TXNDC8: variants seen among roughly 807,000 people sequenced by gnomAD.
TXNDC8 encodes thioredoxin domain-containing protein 8.
A neutral mutation model predicts 12.9 loss-of-function variants in TXNDC8; 15 were observed. That is an observed-to-expected ratio of 1.16 (90% confidence interval 0.78 to 1.79). The LOEUF (loss-of-function observed/expected upper bound fraction) is 1.79, where lower values mean the gene tolerates loss of function less well. Among genes scored for constraint, TXNDC8 ranks in the 40% most tolerant of loss-of-function variants. The pLI is 0.00. For synonymous variants in TXNDC8, 40 were observed against 35.4 expected, an observed-to-expected ratio of 1.13 and a Z score of -0.46; for missense variants, 128 against 113.2, an observed-to-expected ratio of 1.13 and a Z score of -0.59.
intron 3 of TXNDC8, chr9:110,322,567 T>C (rs893155315): frequency 1.6e-5 from 16 of 985,328 alleles, no homozygotes; most frequent in East Asian, 1.1e-4. Flanking sequence ...CTCAAAAGCA[T>C]AGCTTGAATT....
At chr9:110,324,065 T>C in intron 3 of TXNDC8, 1 of 1,507,324 alleles carries the variant, frequency 6.6e-7, no homozygotes, top group Non-Finnish European at 8.9e-7. Context: ...ATCAGAGTAC[T>C]ATTAATAGAG....
intron 3 of TXNDC8, among the ~76,000 whole-genome samples, chr9:110,311,338 G>C (rs1473505700): frequency 6.6e-6 from 1 of 150,488 alleles, no homozygotes; most frequent in African/African-American, 2.4e-5. Context: ...TCATTATTTG[G>C]GTATTTTTCA....
At chr9:110,322,213 A>T (rs149625304) in intron 3 of TXNDC8, among the ~76,000 whole-genome samples, 186 of 151,780 alleles carry the variant, frequency 1.2e-3, no homozygotes, top group African/African-American at 4.3e-3. Context: ...CATAACCAGG[A>T]TGCTAAGTTA....
intron 3 of TXNDC8, among the ~76,000 whole-genome samples, chr9:110,312,715 G>A (rs1247576989): frequency 6.6e-6 from 1 of 152,198 alleles, no homozygotes. Context: ...CTCAGTCCAA[G>A]TATAATAAAG....
intron 3 of TXNDC8, among the ~76,000 whole-genome samples, chr9:110,305,579 TTTCTTTCTTTCTTTCTTTCTTTC>T (rs1300334808): frequency 1.4e-5 from 2 of 141,520 alleles, no homozygotes; most frequent in Middle Eastern, 3.5e-3. Context: ...TCTTTCTTTC[TTTCTTTCTTTCTTTCTTTCTTTC>T]TTTCTTTCTT....
chr9:110,313,462 AGGCTGACGT>A (rs1838765051), intron 3 of TXNDC8, among the ~76,000 whole-genome samples: 1 of 152,084 alleles, frequency 6.6e-6, no homozygotes, highest in African/African-American at 2.4e-5. Flanking sequence ...GCACTTTGGG[AGGCTGACGT>A]GGGCAGATCA....
intron 1 of TXNDC8, 39 bp from the exon 2 acceptor site, chr9:110,334,359 C>T (rs768663162): frequency 1.3e-6 from 2 of 1,519,718 alleles, no homozygotes; most frequent in South Asian, 1.1e-5. Context: ...TGCATAATCA[C>T]TGAATCTCAT....
chr9:110,322,495 C>A (rs985632709), intron 3 of TXNDC8: 13 of 985,398 alleles, frequency 1.3e-5, no homozygotes, highest in Non-Finnish European at 1.6e-5. Context: ...CCTCTCTCCC[C>A]AGCTTATTGA....
chr9:110,334,814 G>T (rs994387472), intron 1 of TXNDC8, among the ~76,000 whole-genome samples: 7 of 152,120 alleles, frequency 4.6e-5, no homozygotes, highest in African/African-American at 1.4e-4. Context: ...TATTAAACAA[G>T]GGCCTAAACA....
At chr9:110,311,557 ATC>A (rs1484721927) in intron 3 of TXNDC8, among the ~76,000 whole-genome samples, 3 of 125,934 alleles carry the variant, frequency 2.4e-5, no homozygotes, top group Non-Finnish European at 3.3e-5. Context: ...ATATATATAT[ATC>A]TCCATACTAT....
intron 3 of TXNDC8, among the ~76,000 whole-genome samples, chr9:110,305,546 T>TTTTC (rs201277248): frequency 0.088 from 10,113 of 115,132 alleles, 478 homozygotes; most frequent in East Asian, 0.11. Flanking sequence ...TGTATTTTCT[T>TTTTC]TTTCTTTCTT....
intron 3 of TXNDC8, among the ~76,000 whole-genome samples, chr9:110,309,560 G>T (rs532147461): frequency 6.6e-6 from 1 of 152,088 alleles, no homozygotes; most frequent in South Asian, 2.1e-4. Context: ...GGGCTTGAAC[G>T]CCTGACTTCA....
At chr9:110,319,042 T>G (rs1462714446) in intron 3 of TXNDC8, among the ~76,000 whole-genome samples, 1 of 152,206 alleles carries the variant, frequency 6.6e-6, no homozygotes, top group Non-Finnish European at 1.5e-5. Context: ...TACTACACTT[T>G]GCCCACTTTT....
At chr9:110,335,633 G>A (rs1380296185) in intron 1 of TXNDC8, among the ~76,000 whole-genome samples, 2 of 152,192 alleles carry the variant, frequency 1.3e-5, no homozygotes, top group Admixed American at 1.3e-4. Context: ...GGTGAGTGGT[G>A]TAGCTGGCAT....
chr9:110,331,705 C>T (rs994572699), intron 2 of TXNDC8, among the ~76,000 whole-genome samples: 2 of 152,072 alleles, frequency 1.3e-5, no homozygotes, highest in Non-Finnish European at 1.5e-5. Context: ...ATCAGGTATT[C>T]GATTCTCATA....
At chr9:110,323,127 G>A in intron 3 of TXNDC8, 1 of 985,324 alleles carries the variant, frequency 1.0e-6, no homozygotes, top group Non-Finnish European at 1.2e-6. Context: ...GCACAAATCT[G>A]GAGAACAGAG....
At chr9:110,323,995 T>TG in intron 3 of TXNDC8, 3 of 1,550,258 alleles carry the variant, frequency 1.9e-6, no homozygotes, top group Non-Finnish European at 1.7e-6. Context: ...GGCCTGGAGA[T>TG]GGAGCCCTAA....
intron 2 of TXNDC8, among the ~76,000 whole-genome samples, chr9:110,327,326 A>ATAT (rs1554704913): frequency 1.3e-4 from 15 of 114,184 alleles, no homozygotes; most frequent in Middle Eastern, 3.9e-3. Context: ...TATACTATAT[A>ATAT]TTTTTTTTTT....
Position 110,304,463 on chromosome 9 carries a change from T to C in TXNDC8, c.261+4A>G. 6.2e-7 allele frequency: 1 copy of C among 1,609,520 alleles called. No homozygotes were observed. The highest frequency in any genetic ancestry group is 1.1e-5 in the South Asian group (1 of 90,438). On this transcript the variant is annotated splice_donor_region_variant and intron_variant, in intron 4 of 4. Transcript: ENST00000423740. ...TAACTCTAACTTGATCCCATTTCAC[T>C]TACCAGGTTGCTCATGAATCCACTT...
Sources: gnomAD v4.1 joint callset for allele counts (sites outside exome capture counted in the v4.1 genomes callset) on GRCh38, gnomAD v4.1.1 for gene constraint, MANE v1.5 for transcripts, NCBI Gene and HGNC (gene_info 2026-07-23, HGNC 2026-07-21) for gene names.